Variants in ZEB1 observed in about 807,000 individuals in gnomAD.
The protein encoded by ZEB1 is zinc finger E-box-binding homeobox 1.
Under a neutral mutation model 84.9 loss-of-function variants are expected in ZEB1, and 21 were observed. The observed-to-expected ratio is 0.25, with a 90% confidence interval of 0.18 to 0.36. The LOEUF is 0.36. Ranked by LOEUF, ZEB1 falls within the 10% of genes least tolerant of loss-of-function variation. The probability of loss-of-function intolerance (pLI) is 1.00; values close to 1 mark genes in which losing one functional copy is unlikely to be tolerated. For synonymous variants in ZEB1, 420 were observed against 471.1 expected (o/e 0.89, Z 1.41); for missense variants, 1,104 against 1,330.2 (o/e 0.83, Z 2.65).
At position 31,516,447 on chromosome 10, in the gene ZEB1, G is replaced by A. The variant is rs570874352; in HGVS notation, c.793+1739G>A. On this transcript the variant is annotated intron_variant, in intron 6 of 8. Coordinates refer to ENST00000424869, the MANE Select transcript of ZEB1 (RefSeq NM_001174096.2). ...GGGGACAAAATGAATGCTGTGAAATGCCATACATATGCTGGAAGTGGACCA... is the reference window on the plus strand; with the variant it reads ...GGGGACAAAATGAATGCTGTGAAATACCATACATATGCTGGAAGTGGACCA... Among the ~76,000 whole-genome samples, 18 of 146,452 alleles carry A rather than the reference G, an allele frequency of 1.2e-4. No individual in the cohort carries two copies. In the South Asian group the frequency reaches 4.0e-3, roughly 32 times the overall value.
intron 4 of ZEB1, among the ~76,000 whole-genome samples, chr10:31,503,273 C>T (rs1565143711): frequency 6.6e-6 from 1 of 151,982 alleles, no homozygotes; most frequent in Non-Finnish European, 1.5e-5. Context: ...GAGGAACTAC[C>T]ATTCTGAATT....
intron 1 of ZEB1, among the ~76,000 whole-genome samples, chr10:31,443,043 A>G (rs1469210221): frequency 6.6e-6 from 1 of 152,190 alleles, no homozygotes; most frequent in Non-Finnish European, 1.5e-5. Context: ...CAGCATAGAG[A>G]TTTTGAAGCC....
At chr10:31,335,525 G>C (rs1218473785) in intron 1 of ZEB1, among the ~76,000 whole-genome samples, 30 of 152,134 alleles carry the variant, frequency 2.0e-4, no homozygotes, top group Non-Finnish European at 1.8e-4. Context: ...CACATCATCT[G>C]TTTAAAGGAA....
chr10:31,428,528 A>G (rs2057278271), intron 1 of ZEB1, among the ~76,000 whole-genome samples: 1 of 152,232 alleles, frequency 6.6e-6, no homozygotes, highest in Non-Finnish European at 1.5e-5. Flanking sequence ...AAAAGAATGT[A>G]CATTCTGTTG....
chr10:31,511,946 G>A (rs2070129383), intron 5 of ZEB1, among the ~76,000 whole-genome samples: 1 of 152,122 alleles, frequency 6.6e-6, no homozygotes, highest in Non-Finnish European at 1.5e-5. Context: ...AGGGAGAATA[G>A]AACCAAGATT....
intron 1 of ZEB1, among the ~76,000 whole-genome samples, chr10:31,432,092 T>A (rs952030594): frequency 6.6e-6 from 1 of 152,156 alleles, no homozygotes; most frequent in African/African-American, 2.4e-5. Flanking sequence ...ACTGAAAGAA[T>A]AATACCAGTG....
chr10:31,527,440 CACACACACACACAA>C lies in ZEB1; in HGVS notation c.*178_*191del, dbSNP rs1041244916. 7 of 733,570 alleles carry C rather than the reference CACACACACACACAA, an allele frequency of 9.5e-6. No individual in the cohort carries two copies. In the African/African-American group the frequency reaches 1.2e-4, roughly 13 times the overall value. 45.4% of individuals were successfully genotyped at this position (733,570 alleles called of 1,614,324 possible). On this transcript the variant is annotated 3_prime_UTR_variant, in exon 9 of 9. Coordinates refer to ENST00000424869, the MANE Select transcript of ZEB1 (RefSeq NM_001174096.2). Reference sequence around the variant, plus strand: ...ACACACACACACACACACACACACACACACACACACACAAAATAAATCCGGGTGTGCCTGAACCT... The same window carrying C: ...ACACACACACACACACACACACACACAATAAATCCGGGTGTGCCTGAACCT...
chr10:31,499,043 A>C (rs1318780447), intron 3 of ZEB1, among the ~76,000 whole-genome samples: 1 of 152,148 alleles, frequency 6.6e-6, no homozygotes, highest in Non-Finnish European at 1.5e-5. Flanking sequence ...TTCAGCTATA[A>C]TGTCAAAAGT....
rs757803803 is a variant in ZEB1, at chr10:31,527,623, TTTATC to T, written c.*365_*369del. 336 of 243,658 alleles carry T rather than the reference TTTATC, an allele frequency of 1.4e-3. No individual in the cohort carries two copies. The highest frequency in any genetic ancestry group is 2.2e-3 in the Non-Finnish European group (271 of 124,660). The allele number at this position is 243,658 out of a possible 1,614,324, so 15.1% of individuals were successfully genotyped here. A position where few individuals can be genotyped will look rare whatever the true frequency, so the allele number is the denominator to read the frequency against. On this transcript the variant is annotated 3_prime_UTR_variant, in exon 9 of 9. Coordinates refer to ENST00000424869, the MANE Select transcript of ZEB1 (RefSeq NM_001174096.2). ...TAATTAGATATGCATCTGGCATTGT[TTTATC>T]TTATCAGTATTATCACTCTTATGTT...
chr10:31,472,861 T>G (rs1486016357), intron 2 of ZEB1, among the ~76,000 whole-genome samples: 4 of 130,580 alleles, frequency 3.1e-5, no homozygotes, highest in Non-Finnish European at 6.0e-5. Flanking sequence ...TTATCCACCA[T>G]GATCAAGTGG....
At chr10:31,491,080 A>C (rs1296112149) in intron 2 of ZEB1, among the ~76,000 whole-genome samples, 1 of 151,732 alleles carries the variant, frequency 6.6e-6, no homozygotes, top group African/African-American at 2.4e-5. Flanking sequence ...GCATAAACCC[A>C]AGAGTTCATA....
intron 2 of ZEB1, among the ~76,000 whole-genome samples, chr10:31,470,243 C>A (rs899091740): frequency 2.0e-5 from 3 of 151,948 alleles, no homozygotes; most frequent in African/African-American, 7.3e-5. Flanking sequence ...GAGAAGAAGG[C>A]TTCAGACGAT....
chr10:31,352,252 A>G (rs2041440480), intron 1 of ZEB1, among the ~76,000 whole-genome samples: 1 of 152,206 alleles, frequency 6.6e-6, no homozygotes, highest in Non-Finnish European at 1.5e-5. Context: ...TAAGTGCTGA[A>G]CCATGTTGTT....
chr10:31,353,852 A>G (rs1203732580), intron 1 of ZEB1, among the ~76,000 whole-genome samples: 7 of 152,214 alleles, frequency 4.6e-5, no homozygotes, highest in Admixed American at 4.6e-4. Flanking sequence ...TACTACTTAC[A>G]GAAGATTAAC....
intron 1 of ZEB1, among the ~76,000 whole-genome samples, chr10:31,457,104 T>G (rs2061328372): frequency 6.6e-6 from 1 of 152,210 alleles, no homozygotes; most frequent in Non-Finnish European, 1.5e-5. Context: ...CTTCATATTT[T>G]AATTAAAATC....
intron 1 of ZEB1, among the ~76,000 whole-genome samples, chr10:31,368,146 T>C (rs1038768696): frequency 1.3e-4 from 20 of 151,940 alleles, no homozygotes; most frequent in African/African-American, 4.8e-4. Flanking sequence ...TATCCTCTCA[T>C]GTACTTTATT....
intron 1 of ZEB1, among the ~76,000 whole-genome samples, chr10:31,395,529 G>C (rs2050557671): frequency 6.6e-6 from 1 of 152,096 alleles, no homozygotes. Flanking sequence ...TATTTAGTAA[G>C]ACTTTAATGG....
intron 1 of ZEB1, chr10:31,321,613 C>T (rs2034084303): frequency 6.2e-7 from 1 of 1,605,116 alleles, no homozygotes; most frequent in Non-Finnish European, 8.5e-7. Context: ...TTTCTTGTTG[C>T]TGACGACATG....
chr10:31,419,475 T>G (rs161256), intron 1 of ZEB1, among the ~76,000 whole-genome samples: 19,389 of 152,146 alleles, frequency 0.13, 2,475 homozygotes, highest in African/African-American at 0.33. Flanking sequence ...TGTGGAGATT[T>G]GCTAAGAGAA....
Sources: gnomAD v4.1 joint callset for allele counts (sites outside exome capture counted in the v4.1 genomes callset) on GRCh38, gnomAD v4.1.1 for gene constraint, MANE v1.5 for transcripts, NCBI Gene and HGNC (gene_info 2026-07-23, HGNC 2026-07-21) for gene names.